Variants in PAPPA2 observed in about 807,000 individuals in gnomAD.
PAPPA2 encodes pappalysin-2.
Under a neutral mutation model 176.4 loss-of-function variants are expected in PAPPA2, and 86 were observed. The ratio of observed to expected loss-of-function variants is 0.49; its 90% CI spans 0.41 to 0.58. PAPPA2 has a LOEUF of 0.58. Among genes scored for constraint, PAPPA2 ranks in the 20% least tolerant of loss-of-function variants. The probability of loss-of-function intolerance (pLI) is 0.00; values close to 1 mark genes in which losing one functional copy is unlikely to be tolerated. For missense variants in PAPPA2, 2,073 were observed against 2,256.9 expected (o/e 0.92, Z 1.65); for synonymous variants, 809 against 852.2 (o/e 0.95, Z 0.88).
chr1:176,687,603 T>A (rs1020775793), intron 4 of PAPPA2, among the ~76,000 whole-genome samples: 4 of 152,220 alleles, frequency 2.6e-5, no homozygotes, highest in Non-Finnish European at 4.4e-5. Context: ...AAGAACCATC[T>A]TTCTTTTCAT....
At chr1:176,840,045 C>T in intron 21 of PAPPA2, 128 bp from the exon 22 acceptor site, 1 of 705,428 alleles carries the variant, frequency 1.4e-6, no homozygotes, top group Non-Finnish European at 2.4e-6. Flanking sequence ...AATTTGTGTC[C>T]TGCACCTTGG....
At chr1:176,470,011 A>G (rs1428720786) in intron 1 of PAPPA2, among the ~76,000 whole-genome samples, 1 of 152,188 alleles carries the variant, frequency 6.6e-6, no homozygotes, top group African/African-American at 2.4e-5. Context: ...GGGGTCGAGG[A>G]AGGGACTTTG....
chr1:176,487,194 C>T (rs1364234529), intron 1 of PAPPA2, among the ~76,000 whole-genome samples: 1 of 152,124 alleles, frequency 6.6e-6, no homozygotes, highest in African/African-American at 2.4e-5. Context: ...AAAAAGGTGG[C>T]CCTCTGTGTC....
chr1:176,757,920 C>T (rs1053042569), intron 14 of PAPPA2, among the ~76,000 whole-genome samples: 3 of 152,092 alleles, frequency 2.0e-5, no homozygotes, highest in African/African-American at 7.2e-5. Flanking sequence ...AAGCAATTTG[C>T]CCAGCACTAG....
At chr1:176,628,227 A>G (rs775084886) in intron 3 of PAPPA2, among the ~76,000 whole-genome samples, 1 of 152,254 alleles carries the variant, frequency 6.6e-6, no homozygotes, top group Non-Finnish European at 1.5e-5. Context: ...AGGAGGGTTC[A>G]GAATGTATGC....
At chr1:176,577,148 A>G (rs1489029437) in intron 2 of PAPPA2, among the ~76,000 whole-genome samples, 1 of 152,182 alleles carries the variant, frequency 6.6e-6, no homozygotes, top group African/African-American at 2.4e-5. Context: ...ATACTGTGCC[A>G]GGAACCACGC....
rs573015800 is a variant in PAPPA2 at position 176,508,369 on chromosome 1, A to G, written c.-917+44951A>G. Among the ~76,000 whole-genome samples the G allele has an allele frequency of 5.9e-5, 9 of 152,344 alleles. 1 individual carries two copies. Among genetic ancestry groups the G allele is most frequent in the Non-Finnish European group, 8.8e-5 (6 of 68,026 alleles). ...CAATTTAAAAACAGCTATTGTAAAT[A>G]TGCATAATTATTTAAAGAAAAATAT... On this transcript the variant is annotated intron_variant, in intron 1 of 22. Transcript: ENST00000367662.
At chr1:176,566,882 T>G (rs1652015645) in intron 2 of PAPPA2, among the ~76,000 whole-genome samples, 2 of 152,166 alleles carry the variant, frequency 1.3e-5, no homozygotes, top group African/African-American at 4.8e-5. Flanking sequence ...TGGTGTTTAC[T>G]AACAGAAAGG....
intron 3 of PAPPA2, among the ~76,000 whole-genome samples, chr1:176,615,017 C>T (rs1206715993): frequency 2.0e-5 from 3 of 152,018 alleles, no homozygotes; most frequent in Non-Finnish European, 4.4e-5. Context: ...TAAACAACTT[C>T]TGATAAGTAT....
At chr1:176,600,905 G>C (rs142541109) in intron 3 of PAPPA2, among the ~76,000 whole-genome samples, 2 of 152,114 alleles carry the variant, frequency 1.3e-5, no homozygotes, top group Non-Finnish European at 2.9e-5. Flanking sequence ...GAATGCAAGG[G>C]TTGATGTATG....
At chr1:176,616,120 T>C (rs1655209326) in intron 3 of PAPPA2, among the ~76,000 whole-genome samples, 1 of 152,196 alleles carries the variant, frequency 6.6e-6, no homozygotes, top group African/African-American at 2.4e-5. Context: ...GCCAAATCTG[T>C]CTAGCTTGCA....
chr1:176,491,876 T>C (rs927243149), intron 1 of PAPPA2, among the ~76,000 whole-genome samples: 40 of 152,184 alleles, frequency 2.6e-4, no homozygotes, highest in Non-Finnish European at 5.0e-4. Context: ...AGACATGAAA[T>C]GATTTAGCAA....
chr1:176,484,480 T>C (rs912630315), intron 1 of PAPPA2, among the ~76,000 whole-genome samples: 2 of 152,248 alleles, frequency 1.3e-5, no homozygotes, highest in Non-Finnish European at 2.9e-5. Flanking sequence ...TCATTATGCA[T>C]ATGTTACACT....
intron 3 of PAPPA2, among the ~76,000 whole-genome samples, chr1:176,626,938 G>A (rs1656059207): frequency 6.8e-6 from 1 of 148,092 alleles, no homozygotes; most frequent in Non-Finnish European, 1.5e-5. Context: ...GTCCAGGCTG[G>A]TTTCACACTC....
chr1:176,804,756 C>T (rs917706246), intron 21 of PAPPA2, among the ~76,000 whole-genome samples: 3 of 152,046 alleles, frequency 2.0e-5, no homozygotes, highest in Non-Finnish European at 2.9e-5. Context: ...CTACTCAACA[C>T]GATGTTTGAA....
At chr1:176,682,648 T>TA (rs35179136) in intron 4 of PAPPA2, among the ~76,000 whole-genome samples, 76,032 of 151,850 alleles carry the variant, frequency 0.5, 21,155 homozygotes, top group African/African-American at 0.74. Flanking sequence ...TTATTAGCTA[T>TA]AAAAAATAAA....
chr1:176,708,049 C>A (rs927583285), intron 10 of PAPPA2, among the ~76,000 whole-genome samples: 1 of 141,008 alleles, frequency 7.1e-6, no homozygotes, highest in Non-Finnish European at 1.6e-5. Context: ...TTAACACAAC[C>A]TCTGTTAGCA....
In PAPPA2 at chr1:176,690,318, C is replaced by A. The variant is rs369136701; in HGVS notation, c.2319C>A (p.Asp773Glu). The change falls in exon 5 of 23, where the codon GAC becomes GAA. Residue 773 changes from aspartate to glutamate, a missense_variant. Physicochemically the swap from Asp to Glu is conservative, Grantham distance 45 (BLOSUM62 2). Around this residue, in one of 4 missense-constraint regions of PAPPA2, gnomAD observed 1,196 missense variants for 1,330.4 expected, o/e 0.90. Coordinates refer to ENST00000367662, the MANE Select transcript of PAPPA2 (RefSeq NM_020318.3). ...TGGAAACGGGAGACCTCTGTGCCGA[C>A]ACCGCCCCCACTCCCAAGAGTGAGC... is the stretch of plus-strand genomic sequence containing the variant. ...PSMETGDLCA[D>E]TAPTPKSELC... 1 of 1,614,172 alleles carries A rather than the reference C, an allele frequency of 6.2e-7. No individual in the cohort carries two copies. The highest frequency in any genetic ancestry group is 8.5e-7 in the Non-Finnish European group (1 of 1,180,020).
intron 6 of PAPPA2, among the ~76,000 whole-genome samples, chr1:176,692,532 C>T (rs898895898): frequency 2.6e-5 from 4 of 152,334 alleles, no homozygotes; most frequent in Admixed American, 6.5e-5. Flanking sequence ...TAAGTGCTCA[C>T]TCCCCCCTCA....
Sources: allele counts gnomAD v4.1 joint callset (sites outside exome capture counted in the v4.1 genomes callset), GRCh38; gene constraint gnomAD v4.1.1; regional missense constraint gnomAD v4.1.1; transcripts MANE v1.5; gene names NCBI Gene and HGNC (gene_info 2026-07-23, HGNC 2026-07-21).